The following INSC variants were observed in gnomAD, a reference collection of about 807,000 sequenced individuals.
INSC encodes the protein INSC spindle orientation adaptor protein.
In INSC, 67 loss-of-function variants were observed where a neutral mutation model predicts 58.6. That is an observed-to-expected ratio of 1.14 (90% CI 0.94 to 1.40). The LOEUF (loss-of-function observed/expected upper bound fraction) is 1.40, where lower values mean the gene tolerates loss of function less well. Among genes scored for constraint, INSC ranks in the 40% most tolerant of loss-of-function variants. INSC has a pLI of 0.00. For synonymous variants in INSC, 262 were observed against 276.1 expected, an observed-to-expected ratio of 0.95 and a Z score of 0.51; for missense variants, 714 against 692.0, an observed-to-expected ratio of 1.03 and a Z score of -0.36.
intron 1 of INSC, among the ~76,000 whole-genome samples, chr11:15,147,705 C>A (rs77617091): frequency 3.0e-3 from 450 of 152,300 alleles, no homozygotes; most frequent in South Asian, 0.022. Flanking sequence ...CTAGTAAGCT[C>A]CACAGACCAA....
chr11:15,254,638 G>T, the INSC span, among the ~76,000 whole-genome samples: 1 of 152,162 alleles, frequency 6.6e-6, no homozygotes, highest in African/African-American at 2.4e-5. Context: ...GGTAATACAT[G>T]GAAAAGACTT....
At chr11:15,269,025 G>A in the INSC span, among the ~76,000 whole-genome samples, 614 of 151,992 alleles carry the variant, frequency 4.0e-3, 5 homozygotes, top group Non-Finnish European at 5.6e-3. Context: ...TTACATTTTT[G>A]CGTTTATTTG....
intron 1 of INSC, among the ~76,000 whole-genome samples, chr11:15,115,851 A>G (rs1286161526): frequency 1.3e-5 from 2 of 152,168 alleles, no homozygotes; most frequent in South Asian, 4.1e-4. Flanking sequence ...TGCAACATGC[A>G]CCCACTTTGT....
chr11:15,166,865 C>A (rs189289761), intron 2 of INSC, among the ~76,000 whole-genome samples: 2 of 152,280 alleles, frequency 1.3e-5, no homozygotes, highest in Admixed American at 1.3e-4. Context: ...AGGCTGCCTG[C>A]ATGGAGTTCT....
chr11:15,203,844 G>A (rs1438433751), intron 7 of INSC, among the ~76,000 whole-genome samples: 1 of 135,800 alleles, frequency 7.4e-6, no homozygotes, highest in Non-Finnish European at 1.6e-5. Context: ...ATTTTTAAAT[G>A]GTCAGAAAAA....
chr11:15,219,860 C>T (rs1851370645), intron 7 of INSC, among the ~76,000 whole-genome samples: 1 of 152,240 alleles, frequency 6.6e-6, no homozygotes, highest in Non-Finnish European at 1.5e-5. Context: ...CTGCTTCCTG[C>T]TTCTAGCCCC....
intron 9 of INSC, among the ~76,000 whole-genome samples, chr11:15,232,889 C>T (rs1332737719): frequency 6.6e-6 from 1 of 152,120 alleles, no homozygotes; most frequent in Non-Finnish European, 1.5e-5. Flanking sequence ...TCCCCTAGAG[C>T]CCCCAGAATA....
intron 1 of INSC, among the ~76,000 whole-genome samples, chr11:15,144,721 A>G (rs540677242): frequency 2.0e-5 from 3 of 152,176 alleles, no homozygotes; most frequent in African/African-American, 7.2e-5. Context: ...TTTGCTCCTG[A>G]TTTTAATTGA....
intron 2 of INSC, among the ~76,000 whole-genome samples, chr11:15,149,930 G>A (rs1029563662): frequency 4.6e-5 from 7 of 152,216 alleles, no homozygotes; most frequent in African/African-American, 1.7e-4. Context: ...TTATTAGGAG[G>A]CAAGGCATGA....
intron 1 of INSC, among the ~76,000 whole-genome samples, chr11:15,139,908 C>T (rs1210064575): frequency 1.3e-5 from 2 of 152,180 alleles, no homozygotes; most frequent in African/African-American, 2.4e-5. Context: ...GAGCTAGCTC[C>T]CAGAATGCCA....
chr11:15,160,278 G>T (rs550055784), intron 2 of INSC, among the ~76,000 whole-genome samples: 20 of 152,314 alleles, frequency 1.3e-4, no homozygotes, highest in African/African-American at 4.8e-4. Flanking sequence ...GTAGAAGCCA[G>T]CAAGGTGAAG....
At chr11:15,139,565 G>A (rs2133722809) in intron 1 of INSC, among the ~76,000 whole-genome samples, 1 of 152,350 alleles carries the variant, frequency 6.6e-6, no homozygotes, top group South Asian at 2.1e-4. Context: ...CAGAAGAGAG[G>A]TGGAACCAGT....
chr11:15,262,318 A>G, the INSC span, among the ~76,000 whole-genome samples: 1 of 152,150 alleles, frequency 6.6e-6, no homozygotes, highest in Non-Finnish European at 1.5e-5. Context: ...CCATGAACCA[A>G]GCAAAACTGA....
chr11:15,240,045 A>G (rs185704174), intron 11 of INSC, among the ~76,000 whole-genome samples: 19 of 152,304 alleles, frequency 1.2e-4, no homozygotes, highest in Non-Finnish European at 1.6e-4. Context: ...TGTAAAAAGA[A>G]GTCAGTCTGC....
At chr11:15,229,995 AT>A (rs1482210835) in intron 9 of INSC, among the ~76,000 whole-genome samples, 3 of 30,218 alleles carry the variant, frequency 9.9e-5, no homozygotes, top group Admixed American at 6.0e-4. Flanking sequence ...ATATATATAT[AT>A]ATATATATAT....
intron 7 of INSC, among the ~76,000 whole-genome samples, chr11:15,213,436 A>G (rs1208332500): frequency 6.6e-6 from 1 of 152,164 alleles, no homozygotes; most frequent in South Asian, 2.1e-4. Context: ...GTTGGGTACA[A>G]TTCAGATCCC....
At chr11:15,236,991 G>A (rs368703487) in intron 10 of INSC, among the ~76,000 whole-genome samples, 3 of 152,198 alleles carry the variant, frequency 2.0e-5, no homozygotes, top group South Asian at 2.1e-4. Context: ...AGAGCCTTAC[G>A]TTGAAGTGTT....
chr11:15,202,621 C>A (rs1449489551), intron 7 of INSC, among the ~76,000 whole-genome samples: 1 of 152,108 alleles, frequency 6.6e-6, no homozygotes, highest in African/African-American at 2.4e-5. Flanking sequence ...TACAAACGAC[C>A]AAATGGGGTT....
chr11:15,230,248 T>C (rs954998320), intron 9 of INSC, among the ~76,000 whole-genome samples: 1 of 151,242 alleles, frequency 6.6e-6, no homozygotes, highest in Admixed American at 6.6e-5. Flanking sequence ...AAAAAAGGTT[T>C]AATTGGCTCA....
Sources: gnomAD v4.1 joint callset for allele counts (sites outside exome capture counted in the v4.1 genomes callset) on GRCh38, gnomAD v4.1.1 for gene constraint, MANE v1.5 for transcripts, NCBI Gene and HGNC (gene_info 2026-07-23, HGNC 2026-07-21) for gene names.